The following NPAS3 variants were observed in gnomAD, a reference collection of about 807,000 sequenced individuals.
The protein encoded by NPAS3 is neuronal PAS domain protein 3, also known as neuronal PAS domain-containing protein 3.
A neutral mutation model predicts 73.1 loss-of-function variants in NPAS3; 14 were observed. That is an observed-to-expected ratio of 0.19 (90% CI 0.13 to 0.30). The LOEUF (loss-of-function observed/expected upper bound fraction) is 0.30, where lower values mean the gene tolerates loss of function less well. Among genes scored for constraint, NPAS3 ranks in the 10% least tolerant of loss-of-function variants. The probability of loss-of-function intolerance (pLI) is 1.00; values close to 1 mark genes in which losing one functional copy is unlikely to be tolerated. For synonymous variants in NPAS3, 620 were observed against 541.5 expected (o/e 1.14, Z -2.01); for missense variants, 1,096 against 1,250.0 (o/e 0.88, Z 1.86).
At chr14:33,634,327 G>T (rs778490778) in intron 5 of NPAS3, among the ~76,000 whole-genome samples, 3 of 152,244 alleles carry the variant, frequency 2.0e-5, no homozygotes. Flanking sequence ...CAGATTTGCT[G>T]TGGGTAAATC....
intron 1 of NPAS3, among the ~76,000 whole-genome samples, chr14:33,039,523 C>G (rs973452608): frequency 6.6e-6 from 1 of 152,148 alleles, no homozygotes; most frequent in African/African-American, 2.4e-5. Context: ...TGGGCCCTCG[C>G]TTTGCCTCTA....
At chr14:32,947,273 G>A (rs2036299788) in intron 1 of NPAS3, among the ~76,000 whole-genome samples, 5 of 152,044 alleles carry the variant, frequency 3.3e-5, no homozygotes, top group Admixed American at 3.3e-4. Context: ...AAGGATGCTA[G>A]CTCTAAACTT....
At chr14:33,575,184 A>G (rs1380282442) in intron 5 of NPAS3, among the ~76,000 whole-genome samples, 1 of 152,210 alleles carries the variant, frequency 6.6e-6, no homozygotes, top group African/African-American at 2.4e-5. Context: ...AACTTTTACC[A>G]TTTAACATAG....
chr14:33,526,236 G>C (rs538361986), intron 4 of NPAS3, among the ~76,000 whole-genome samples: 2 of 151,900 alleles, frequency 1.3e-5, no homozygotes, highest in Admixed American at 1.3e-4. Flanking sequence ...GAAAGTGCTT[G>C]ATGGTCTTGG....
At chr14:33,268,067 G>A (rs1166682791) in intron 3 of NPAS3, among the ~76,000 whole-genome samples, 1 of 152,002 alleles carries the variant, frequency 6.6e-6, no homozygotes, top group East Asian at 1.9e-4. Context: ...TTTCAGAATG[G>A]CCTGTGATAG....
chr14:33,099,411 T>C (rs899591014), intron 2 of NPAS3, among the ~76,000 whole-genome samples: 8 of 152,130 alleles, frequency 5.3e-5, no homozygotes, highest in African/African-American at 1.9e-4. Context: ...GAGGATCCAT[T>C]CCATGGACTC....
At chr14:33,294,951 T>C (rs1416621256) in intron 3 of NPAS3, among the ~76,000 whole-genome samples, 1 of 152,178 alleles carries the variant, frequency 6.6e-6, no homozygotes, top group African/African-American at 2.4e-5. Context: ...TCCAATGTGA[T>C]GCTGTGGTGT....
At chr14:32,957,521 A>G (rs2139192110) in intron 1 of NPAS3, among the ~76,000 whole-genome samples, 1 of 151,740 alleles carries the variant, frequency 6.6e-6, no homozygotes, top group East Asian at 2.0e-4. Flanking sequence ...ACAGGTGCCC[A>G]CCACCACGCC....
intron 3 of NPAS3, among the ~76,000 whole-genome samples, chr14:33,307,711 A>G (rs954010182): frequency 6.6e-6 from 1 of 151,440 alleles, no homozygotes; most frequent in African/African-American, 2.4e-5. Context: ...TTGTGGTCGG[A>G]GATGATAGAA....
chr14:33,730,432 A>C (rs8018833), intron 6 of NPAS3, among the ~76,000 whole-genome samples: 45,127 of 152,034 alleles, frequency 0.3, 6,862 homozygotes, highest in East Asian at 0.43. Context: ...CCCAAATTAC[A>C]GCAAAGATTT....
rs547658669 is a variant in NPAS3 at position 32,967,187 on chromosome 14, A to C, written c.50+27821A>C. Among the ~76,000 whole-genome samples the C allele has an allele frequency of 9.2e-5, 14 of 152,298 alleles. No individual in the cohort carries two copies. In the South Asian group the frequency reaches 2.9e-3, roughly 32 times the overall value. On this transcript the variant is annotated intron_variant, in intron 1 of 11. Transcript: ENST00000356141. ...TCAGCCTACTCAATGAAAAGATGAT[A>C]ATGACCTTTATCATGATCCACTTCC...
chr14:33,264,947 A>C (rs944974966), intron 3 of NPAS3, among the ~76,000 whole-genome samples: 1 of 152,162 alleles, frequency 6.6e-6, no homozygotes, highest in Non-Finnish European at 1.5e-5. Flanking sequence ...TCTCTCCATA[A>C]GTTTCTCTCA....
At chr14:33,596,879 G>A (rs2139976872) in intron 5 of NPAS3, among the ~76,000 whole-genome samples, 1 of 152,330 alleles carries the variant, frequency 6.6e-6, no homozygotes, top group African/African-American at 2.4e-5. Context: ...ATGAAATGAA[G>A]AAACATGGGC....
chr14:33,778,730 C>T (rs1003473265), intron 9 of NPAS3, among the ~76,000 whole-genome samples, 158 bp downstream of exon 9: 3 of 152,132 alleles, frequency 2.0e-5, no homozygotes, highest in Non-Finnish European at 2.9e-5. Context: ...ATCATTTCAA[C>T]GCGTGTTAGA....
At chr14:33,802,366 G>C (rs1473745409), downstream of NPAS3, 1 of 81,880 alleles carries the variant, frequency 1.2e-5, no homozygotes, top group African/African-American at 4.7e-5. Context: ...ACTGAAAACT[G>C]CACATTAAGT....
At chr14:33,252,560 A>T (rs983400842) in intron 3 of NPAS3, among the ~76,000 whole-genome samples, 3 of 151,944 alleles carry the variant, frequency 2.0e-5, no homozygotes, top group Non-Finnish European at 4.4e-5. Flanking sequence ...ATTGTCTTAA[A>T]GTTTATTAGA....
intron 2 of NPAS3, among the ~76,000 whole-genome samples, chr14:33,088,388 A>T (rs2042107625): frequency 6.6e-6 from 1 of 152,214 alleles, no homozygotes; most frequent in Non-Finnish European, 1.5e-5. Flanking sequence ...CCAGGAGATT[A>T]TATCCCGTGC....
intron 5 of NPAS3, among the ~76,000 whole-genome samples, chr14:33,656,240 T>C (rs192083950): frequency 6.6e-6 from 1 of 152,318 alleles, no homozygotes; most frequent in Admixed American, 6.5e-5. Context: ...GTGGCATGTA[T>C]TGGTTTCTCT....
chr14:33,003,737 A>G (rs1294558996), intron 1 of NPAS3, among the ~76,000 whole-genome samples: 1 of 152,210 alleles, frequency 6.6e-6, no homozygotes, highest in Non-Finnish European at 1.5e-5. Context: ...GGAAAATACA[A>G]AGCATTGTCC....
Sources: gnomAD v4.1 joint callset for allele counts (sites outside exome capture counted in the v4.1 genomes callset) on GRCh38, gnomAD v4.1.1 for gene constraint, MANE v1.5 for transcripts, NCBI Gene and HGNC (gene_info 2026-07-23, HGNC 2026-07-21) for gene names.